Variants in PLA1A observed in about 807,000 individuals in gnomAD.
PLA1A encodes phospholipase A1 member A, also known as phosphatidylserine-specific phospholipase A1alpha.
Under a neutral mutation model 49.4 loss-of-function variants are expected in PLA1A, and 47 were observed. That is an observed-to-expected ratio of 0.95 (90% CI 0.75 to 1.21). The LOEUF is 1.21. Among genes scored for constraint, PLA1A ranks in the 50% most tolerant of loss-of-function variants. The pLI is 0.00. For synonymous variants in PLA1A, 224 were observed against 207.9 expected (o/e 1.08, Z -0.67); for missense variants, 561 against 563.9 (o/e 0.99, Z 0.05).
At chr3:119,606,386 C>T (rs926611637) in intron 1 of PLA1A, among the ~76,000 whole-genome samples, 2 of 152,160 alleles carry the variant, frequency 1.3e-5, no homozygotes, top group African/African-American at 4.8e-5. Context: ...ACTCTGTTGG[C>T]CTCTTTTTAA....
At chr3:119,625,064 G>A in intron 8 of PLA1A, 60 bp from the exon 9 acceptor site, 1 of 1,022,132 alleles carries the variant, frequency 9.8e-7, no homozygotes, top group Non-Finnish European at 1.6e-6. Context: ...GCTCTCTGGG[G>A]TTTTTGCCCA....
intron 8 of PLA1A, among the ~76,000 whole-genome samples, chr3:119,624,147 C>T (rs2082984594): frequency 6.6e-6 from 1 of 152,156 alleles, no homozygotes; most frequent in East Asian, 1.9e-4. Flanking sequence ...GCTGGGAAGT[C>T]CCAGATCAAG....
rs72957028 is a variant in PLA1A, at chr3:119,624,162, C to T, written c.1013-962C>T. Reference sequence around the variant, plus strand: ...GCTGGGAAGTCCCAGATCAAGGCGCCGGCACTCCATGTCTATAAGGGTTGC... The same window carrying T: ...GCTGGGAAGTCCCAGATCAAGGCGCTGGCACTCCATGTCTATAAGGGTTGC... On this transcript the variant is annotated intron_variant, in intron 8 of 10. Transcript: ENST00000273371. Among the ~76,000 whole-genome samples the T allele has an allele frequency of 7.1e-3, 1,076 of 152,264 alleles. 12 individuals are homozygous for T. Among genetic ancestry groups the T allele is most frequent in the African/African-American group, 0.025 (1,019 of 41,536 alleles).
At chr3:119,613,385 G>C (rs2272267) in intron 5 of PLA1A, among the ~76,000 whole-genome samples, 33,244 of 152,236 alleles carry the variant, frequency 0.22, 4,374 homozygotes, top group East Asian at 0.47. Flanking sequence ...CTCACTTTCT[G>C]ATTCAAATGA....
intron 1 of PLA1A, chr3:119,600,362 G>A (rs775595694): frequency 4.0e-5 from 28 of 702,694 alleles, no homozygotes; most frequent in Admixed American, 1.2e-4. Flanking sequence ...TGGCTCAGGC[G>A]TCCTCTCCTC....
intron 2 of PLA1A, among the ~76,000 whole-genome samples, chr3:119,607,978 C>T (rs553972096): frequency 2.6e-4 from 39 of 152,250 alleles, no homozygotes; most frequent in Admixed American, 1.2e-3. Context: ...GGAAAGATTT[C>T]TAAACATTTT....
At chr3:119,618,623 G>T (rs960741441) in intron 7 of PLA1A, among the ~76,000 whole-genome samples, 12 of 152,188 alleles carry the variant, frequency 7.9e-5, no homozygotes, top group African/African-American at 2.9e-4. Context: ...AGAGCTGGGG[G>T]GATGCCTAGT....
chr3:119,627,749 G>A (rs2052563393), intron 9 of PLA1A, among the ~76,000 whole-genome samples: 1 of 152,188 alleles, frequency 6.6e-6, no homozygotes, highest in Non-Finnish European at 1.5e-5. Flanking sequence ...CTAGCTGGGT[G>A]GTGCAGCTCT....
At chr3:119,615,535 G>T (rs1038381600) in intron 5 of PLA1A, among the ~76,000 whole-genome samples, 1 of 152,140 alleles carries the variant, frequency 6.6e-6, no homozygotes, top group Non-Finnish European at 1.5e-5. Context: ...AATCTCTTTG[G>T]TTCCTTTTAG....
At chr3:119,612,984 A>C in intron 4 of PLA1A, 33 bp from the exon 5 acceptor site, 2 of 1,376,298 alleles carry the variant, frequency 1.5e-6, no homozygotes, top group Non-Finnish European at 2.0e-6. Flanking sequence ...AGCTGAGAGG[A>C]AAGAGGTCCC....
At chr3:119,622,103 A>AAGAAGGAGAAGG (rs1553794014) in intron 8 of PLA1A, among the ~76,000 whole-genome samples, 1 of 147,256 alleles carries the variant, frequency 6.8e-6, no homozygotes, top group East Asian at 2.0e-4. Context: ...GAAGAAGAAG[A>AAGAAGGAGAAGG]AGAAGGAGAA....
chr3:119,604,360 C>T lies in PLA1A; in HGVS notation c.74-2414C>T, dbSNP rs572713331. On this transcript the variant is annotated intron_variant, in intron 1 of 10. Transcript: ENST00000273371. ...CCAAGATATAGAACCAACCTAAGAG[C>T]CCATCAACTAATGAATGAATAAAAA... Among the ~76,000 whole-genome samples the T allele has an allele frequency of 6.4e-4, 97 of 152,136 alleles. 1 individual carries two copies. Among genetic ancestry groups the T allele is most frequent in the African/African-American group, 2.3e-3 (97 of 41,492 alleles).
intron 8 of PLA1A, among the ~76,000 whole-genome samples, chr3:119,621,931 G>C (rs529864410): frequency 2.3e-4 from 35 of 152,218 alleles, no homozygotes; most frequent in African/African-American, 7.9e-4. Flanking sequence ...AGTGAAGAAA[G>C]AAGTAGGCCA....
chr3:119,617,866 A>G (rs944705459), intron 6 of PLA1A, among the ~76,000 whole-genome samples, 153 bp from the exon 7 acceptor site: 1 of 152,232 alleles, frequency 6.6e-6, no homozygotes, highest in African/African-American at 2.4e-5. Context: ...TGTAGTAACC[A>G]TGTACACTAA....
intron 8 of PLA1A, among the ~76,000 whole-genome samples, chr3:119,622,790 G>A (rs1384781446): frequency 6.6e-6 from 1 of 151,726 alleles, no homozygotes; most frequent in Non-Finnish European, 1.5e-5. Context: ...AAAAAAAAAA[G>A]GACAGTGTGT....
At chr3:119,603,074 T>A (rs978022428) in intron 1 of PLA1A, among the ~76,000 whole-genome samples, 2 of 152,072 alleles carry the variant, frequency 1.3e-5, no homozygotes, top group Non-Finnish European at 2.9e-5. Context: ...GTGGATTAGC[T>A]CAGTTAGGGC....
chr3:119,621,634 C>T (rs2082933121), intron 8 of PLA1A, among the ~76,000 whole-genome samples: 1 of 152,238 alleles, frequency 6.6e-6, no homozygotes. Flanking sequence ...CAGTTTTTCA[C>T]ATAGTGTACC....
rs1397234903 is a variant in PLA1A, at chr3:119,613,054, T to A, written c.600T>A (p.Ser200Arg). ...DPAGPEYTRA[S>R]VEERLDAGDA... ...CTGGACCTGAGTACACCAGGGCCAG[T>A]GTGGAAGAGCGCTTGGATGCTGGAG... The change falls in exon 5 of 11, where the codon AGT (serine) becomes AGA (arginine). Residue 200 changes from serine to arginine, a missense_variant. Coordinates refer to ENST00000273371, the MANE Select transcript of PLA1A (RefSeq NM_015900.4). The A allele has an allele frequency of 1.2e-6, 2 of 1,607,908 alleles. No individual in the cohort carries two copies. Among genetic ancestry groups the A allele is most frequent in the South Asian group, 2.2e-5 (2 of 89,518 alleles).
chr3:119,627,899 T>C (rs894254469), intron 9 of PLA1A, among the ~76,000 whole-genome samples: 2 of 152,192 alleles, frequency 1.3e-5, no homozygotes, highest in Non-Finnish European at 1.5e-5. Flanking sequence ...ACCTAGGGGG[T>C]ACCACAGCCC....
Sources: gnomAD v4.1 joint callset for allele counts (sites outside exome capture counted in the v4.1 genomes callset) on GRCh38, gnomAD v4.1.1 for gene constraint, MANE v1.5 for transcripts, NCBI Gene and HGNC (gene_info 2026-07-23, HGNC 2026-07-21) for gene names.